MET: variants seen among roughly 807,000 people sequenced by gnomAD.
MET encodes the protein MET proto-oncogene, receptor tyrosine kinase, also known as hepatocyte growth factor receptor.
MET carries 48 observed loss-of-function variants against 133.1 expected under a neutral mutation model. That is an observed-to-expected ratio of 0.36 (90% CI 0.29 to 0.46). The LOEUF (loss-of-function observed/expected upper bound fraction) is 0.46, where lower values mean the gene tolerates loss of function less well. MET is among the 20% of genes least tolerant of loss of function. The pLI is 1.00. For synonymous variants in MET, 628 were observed against 616.5 expected (o/e 1.02, Z -0.28); for missense variants, 1,442 against 1,695.9 (o/e 0.85, Z 2.63).
chr7:116,771,206 T>G (rs146671520), intron 12 of MET, among the ~76,000 whole-genome samples: 66 of 152,342 alleles, frequency 4.3e-4, no homozygotes, highest in African/African-American at 1.5e-3. Flanking sequence ...TATTTATATG[T>G]CTGTCTCCCC....
intron 2 of MET, among the ~76,000 whole-genome samples, chr7:116,700,712 TTGTA>T (rs1348351473): frequency 6.6e-6 from 1 of 152,178 alleles, no homozygotes; most frequent in African/African-American, 2.4e-5. Flanking sequence ...TCAAGCTAAT[TTGTA>T]TGCCTTAAAG....
chr7:116,771,804 A>G (rs2116995055), intron 13 of MET, 45 bp from the exon 14 acceptor site: 1 of 1,613,524 alleles, frequency 6.2e-7, no homozygotes, highest in Non-Finnish European at 8.5e-7. Context: ...CCTGGGGCCC[A>G]TGATAGCCGT....
At chr7:116,690,866 T>C (rs1447920824) in intron 1 of MET, among the ~76,000 whole-genome samples, 1 of 152,266 alleles carries the variant, frequency 6.6e-6, no homozygotes, top group Non-Finnish European at 1.5e-5. Flanking sequence ...ATTAATATCA[T>C]ATGATATAAT....
At chr7:116,673,007 G>A (rs1297910164) in intron 1 of MET, among the ~76,000 whole-genome samples, 2 of 152,076 alleles carry the variant, frequency 1.3e-5, no homozygotes, top group Admixed American at 1.3e-4. Context: ...CCTTCCAAGG[G>A]GCAGGTGTTT....
At chr7:116,786,697 G>A (rs1351778229) in intron 19 of MET, among the ~76,000 whole-genome samples, 1 of 152,242 alleles carries the variant, frequency 6.6e-6, no homozygotes, top group East Asian at 1.9e-4. Flanking sequence ...AGAGGACTGT[G>A]ATGTCTGAAG....
intron 14 of MET, among the ~76,000 whole-genome samples, chr7:116,772,338 T>C (rs1375414969): frequency 6.6e-6 from 1 of 152,198 alleles, no homozygotes; most frequent in Non-Finnish European, 1.5e-5. Context: ...TAAATGTAAG[T>C]TGGAACTGCT....
Position 116,701,816 on chromosome 7 carries a change from T to A in MET, c.1200+1532T>A, listed in dbSNP as rs1014639507. On this transcript the variant is annotated intron_variant, in intron 2 of 20. Coordinates refer to ENST00000397752, the MANE Select transcript of MET (RefSeq NM_000245.4). ...ATTACAGAGAAGATATTTTTCTGCATCCAGTAAGTTGATTCTGAGACACAA... is the reference window on the plus strand; with the variant it reads ...ATTACAGAGAAGATATTTTTCTGCAACCAGTAAGTTGATTCTGAGACACAA... Among the ~76,000 whole-genome samples the A allele has an allele frequency of 4.6e-5, 7 of 152,116 alleles. No homozygotes were observed. In the East Asian group the frequency reaches 1.3e-3, roughly 29 times the overall value.
At chr7:116,786,033 C>G (rs931573351) in intron 19 of MET, among the ~76,000 whole-genome samples, 1 of 152,212 alleles carries the variant, frequency 6.6e-6, no homozygotes, top group African/African-American at 2.4e-5. Flanking sequence ...AGACCACAGA[C>G]TGGTTGGCTT....
At chr7:116,755,896 G>T (rs1794160669) in intron 6 of MET, among the ~76,000 whole-genome samples, 1 of 152,190 alleles carries the variant, frequency 6.6e-6, no homozygotes, top group South Asian at 2.1e-4. Flanking sequence ...AAACAGCTCA[G>T]CATGGATCCT....
chr7:116,774,892 A>G lies in MET; in HGVS notation c.3040A>G (p.Asn1014Asp). 1 of 1,614,028 alleles carries G rather than the reference A, an allele frequency of 6.2e-7. No homozygotes were observed. Among genetic ancestry groups the G allele is most frequent in the Non-Finnish European group, 8.5e-7 (1 of 1,179,898 alleles). ...CCTTCATCTTACAGATCAGTTTCCT[A>G]ATTCATCTCAGAACGGTTCATGCCG... Reference protein sequence around the residue: ...RATFPEDQFPNSSQNGSCRQV... With the variant: ...RATFPEDQFPDSSQNGSCRQV... The change falls in exon 15 of 21, where the codon AAT becomes GAT. Residue 1014 changes from asparagine to aspartate, a missense_variant. Coordinates refer to ENST00000397752, the MANE Select transcript of MET (RefSeq NM_000245.4).
At chr7:116,752,135 C>T (rs73471109) in intron 5 of MET, among the ~76,000 whole-genome samples, 2,562 of 152,140 alleles carry the variant, frequency 0.017, 69 homozygotes, top group African/African-American at 0.055. Context: ...TCAGAATACT[C>T]AGAAAAGCAG....
At chr7:116,758,380 C>A in intron 8 of MET, 79 bp from the exon 9 acceptor site, 2 of 1,431,342 alleles carry the variant, frequency 1.4e-6, no homozygotes, top group Non-Finnish European at 2.0e-6. Context: ...GAGTTATATC[C>A]TTTTGATTTG....
At chr7:116,780,076 C>A (rs1199085979) in intron 17 of MET, among the ~76,000 whole-genome samples, 1 of 152,150 alleles carries the variant, frequency 6.6e-6, no homozygotes, top group Non-Finnish European at 1.5e-5. Flanking sequence ...CAGTGTTTAG[C>A]ACATAGACTC....
At chr7:116,680,891 G>A (rs552218749) in intron 1 of MET, among the ~76,000 whole-genome samples, 50 of 152,124 alleles carry the variant, frequency 3.3e-4, no homozygotes, top group Middle Eastern at 6.8e-3. Flanking sequence ...GTAGTGAGCC[G>A]AGATCATACC....
intron 19 of MET, among the ~76,000 whole-genome samples, chr7:116,790,150 GC>G (rs1252334252): frequency 6.6e-6 from 1 of 152,154 alleles, no homozygotes; most frequent in Non-Finnish European, 1.5e-5. Context: ...TTTTATGGCT[GC>G]ATACAACCAT....
At chr7:116,748,116 C>A (rs768095750) in intron 5 of MET, among the ~76,000 whole-genome samples, 16 of 152,092 alleles carry the variant, frequency 1.1e-4, no homozygotes, top group Non-Finnish European at 2.1e-4. Context: ...TGGTGGCGGG[C>A]GCCTGTAGTC....
Position 116,716,288 on chromosome 7 carries a change from A to G in MET, c.1201-15380A>G, listed in dbSNP as rs1268477184. 1.0e-3 allele frequency among the ~76,000 whole-genome samples: 33 copies of G among 33,032 alleles called. 1 individual carries two copies. The highest frequency in any genetic ancestry group is 4.4e-3 in the African/African-American group (31 of 7,072). The allele number at this position is 33,032 out of a possible 152,430, so 21.7% of individuals were successfully genotyped here. On this transcript the variant is annotated intron_variant, in intron 2 of 20. Coordinates refer to ENST00000397752, the MANE Select transcript of MET (RefSeq NM_000245.4). ...AAGAGGGAAGGAGGGAGAGAGGGAG[A>G]GAGAGAGAGAGAGAGAGAGAGAGAG...
rs747989932 is a variant in MET, at chr7:116,763,232, G to C, written c.2547G>C (p.Met849Ile). The C allele has an allele frequency of 2.6e-5, 42 of 1,613,786 alleles. No homozygotes were observed. Among genetic ancestry groups the C allele is most frequent in the Non-Finnish European group, 3.4e-5 (40 of 1,179,918 alleles). The change falls in exon 11 of 21, where the codon ATG becomes ATC. Residue 849 changes from methionine to isoleucine, a missense_variant. Physicochemically the swap from Met to Ile is conservative, Grantham distance 10 (BLOSUM62 1). Transcript: ENST00000397752. ...PVFKPFEKPV[M>I]ISMGNENVLE... ...TTAAGCCTTTTGAAAAGCCAGTGATGATCTCAATGGGCAATGAAAATGTAC... is the reference window on the plus strand; with the variant it reads ...TTAAGCCTTTTGAAAAGCCAGTGATCATCTCAATGGGCAATGAAAATGTAC...
At chr7:116,694,328 C>A (rs1024224075) in intron 1 of MET, among the ~76,000 whole-genome samples, 8 of 152,102 alleles carry the variant, frequency 5.3e-5, no homozygotes, top group Non-Finnish European at 1.2e-4. Context: ...CTGTTGCTGA[C>A]AATAGGCCCT....
Sources: allele counts gnomAD v4.1 joint callset (sites outside exome capture counted in the v4.1 genomes callset), GRCh38; gene constraint gnomAD v4.1.1; transcripts MANE v1.5; gene names NCBI Gene and HGNC (gene_info 2026-07-23, HGNC 2026-07-21).